Variants in KLHL3 observed in about 807,000 individuals in gnomAD.
KLHL3 encodes the protein kelch like family member 3.
In KLHL3, 19 loss-of-function variants were observed where a neutral mutation model predicts 70.5. The ratio of observed to expected loss-of-function variants is 0.27; its 90% CI spans 0.19 to 0.40. KLHL3 has a LOEUF of 0.40. Ranked by LOEUF, KLHL3 falls within the 10% of genes least tolerant of loss-of-function variation. The probability of loss-of-function intolerance (pLI) is 1.00; values close to 1 mark genes in which losing one functional copy is unlikely to be tolerated. For synonymous variants in KLHL3, 258 were observed against 290.3 expected, an observed-to-expected ratio of 0.89 and a Z score of 1.13; for missense variants, 512 against 771.1, an observed-to-expected ratio of 0.66 and a Z score of 3.98.
At chr5:137,631,370 G>T (rs560186903) in intron 12 of KLHL3, among the ~76,000 whole-genome samples, 7 of 152,222 alleles carry the variant, frequency 4.6e-5, no homozygotes, top group Non-Finnish European at 8.8e-5. Context: ...CTGACAAAAA[G>T]TAGAAGTGGA....
At chr5:137,663,056 CTTTTTTTTTTTTTTT>C (rs139890036) in intron 6 of KLHL3, among the ~76,000 whole-genome samples, 3 of 77,928 alleles carry the variant, frequency 3.8e-5, no homozygotes, top group Non-Finnish European at 6.9e-5. Context: ...AGCACTCGTT[CTTTTTTTTTTTTTTT>C]TTTTTTTTTT....
At chr5:137,698,196 T>C in intron 4 of KLHL3, 91 bp downstream of exon 4, 1 of 1,512,186 alleles carries the variant, frequency 6.6e-7, no homozygotes, top group Non-Finnish European at 9.0e-7. Context: ...AGTAACCAAC[T>C]GAATTGTTGT....
At chr5:137,708,783 T>C (rs1159103405) in intron 3 of KLHL3, among the ~76,000 whole-genome samples, 1 of 152,138 alleles carries the variant, frequency 6.6e-6, no homozygotes, top group African/African-American at 2.4e-5. Context: ...AGGAGACATT[T>C]GCAGGATAAA....
At chr5:137,724,520 A>G (rs887906516) in intron 1 of KLHL3, among the ~76,000 whole-genome samples, 2 of 152,228 alleles carry the variant, frequency 1.3e-5, no homozygotes, top group Non-Finnish European at 2.9e-5. Context: ...CAGAGGATCA[A>G]TGTTCAACAA....
chr5:137,735,932 G>C lies in KLHL3; in HGVS notation c.-286C>G, dbSNP rs140523800. ...CCCACTTGCTCCCCCTCCCCCGCAG[G>C]CTTGCTGCTCCTTGGTCTCCTAGGA... On this transcript the variant is annotated 5_prime_UTR_variant, in exon 1 of 15. Coordinates refer to ENST00000309755, the MANE Select transcript of KLHL3 (RefSeq NM_017415.3). 8.5e-4 allele frequency: 435 copies of C among 510,838 alleles called. 2 individuals carry two copies. Among genetic ancestry groups the C allele is most frequent in the African/African-American group, 6.9e-3 (361 of 52,050 alleles). The allele number at this position is 510,838 out of a possible 1,614,324, so 31.6% of individuals were successfully genotyped here.
At chr5:137,701,380 G>C (rs1003207007) in intron 3 of KLHL3, among the ~76,000 whole-genome samples, 3 of 152,104 alleles carry the variant, frequency 2.0e-5, no homozygotes, top group African/African-American at 7.2e-5. Context: ...TTTACACATA[G>C]ATACTAAGAG....
At position 137,700,888 on chromosome 5, in the gene KLHL3, A is replaced by G. The variant is rs138287020; in HGVS notation, c.242-2480T>C. 3.8e-3 allele frequency among the ~76,000 whole-genome samples: 582 copies of G among 152,302 alleles called. 5 individuals carry two copies. The highest frequency in any genetic ancestry group is 0.013 in the African/African-American group (556 of 41,564). ...TTTAGTTTAAATGGGCCCTAAAAAT[A>G]GTCATACTAATAGTCACTACTGTAT... On this transcript the variant is annotated intron_variant, in intron 3 of 14. Transcript: ENST00000309755.
At chr5:137,697,954 A>C (rs922370473) in intron 4 of KLHL3, among the ~76,000 whole-genome samples, 2 of 152,172 alleles carry the variant, frequency 1.3e-5, no homozygotes, top group African/African-American at 4.8e-5. Context: ...TGACCTGGGG[A>C]GAATAGGAGT....
At chr5:137,699,041 G>C (rs1441834553) in intron 3 of KLHL3, among the ~76,000 whole-genome samples, 1 of 152,104 alleles carries the variant, frequency 6.6e-6, no homozygotes. Flanking sequence ...GGCCAAGTTG[G>C]GTTGAAACCC....
intron 2 of KLHL3, among the ~76,000 whole-genome samples, chr5:137,712,211 A>G (rs1177099804): frequency 2.6e-5 from 4 of 151,516 alleles, no homozygotes; most frequent in Non-Finnish European, 5.9e-5. Context: ...TTTGGTAACT[A>G]ATAAGAAAAT....
chr5:137,677,737 C>T, intron 5 of KLHL3, 83 bp from the exon 6 acceptor site: 1 of 831,838 alleles, frequency 1.2e-6, no homozygotes. Context: ...GTGGGATTCA[C>T]AGTAGAGTCC....
intron 13 of KLHL3, among the ~76,000 whole-genome samples, chr5:137,627,840 C>A (rs1750516728): frequency 6.6e-6 from 1 of 152,212 alleles, no homozygotes; most frequent in African/African-American, 2.4e-5. Flanking sequence ...AAGGGTCCAA[C>A]TGTCCCTGCA....
intron 6 of KLHL3, among the ~76,000 whole-genome samples, chr5:137,672,148 C>T (rs1751775930): frequency 6.6e-6 from 1 of 152,234 alleles, no homozygotes; most frequent in Non-Finnish European, 1.5e-5. Context: ...GAGAAGCTGG[C>T]AACTCTGATA....
At chr5:137,666,004 A>T (rs1257834588) in intron 6 of KLHL3, among the ~76,000 whole-genome samples, 1 of 152,196 alleles carries the variant, frequency 6.6e-6, no homozygotes, top group African/African-American at 2.4e-5. Flanking sequence ...ATCCCTGTCT[A>T]GTTCATTTTT....
At chr5:137,628,072 G>GT (rs1750525508) in intron 13 of KLHL3, 1 of 559,012 alleles carries the variant, frequency 1.8e-6, no homozygotes, top group African/African-American at 1.9e-5. Context: ...TCACTGCGGG[G>GT]AAAGGGGATC....
At chr5:137,701,126 G>A (rs530461920) in intron 3 of KLHL3, among the ~76,000 whole-genome samples, 4 of 151,978 alleles carry the variant, frequency 2.6e-5, no homozygotes, top group African/African-American at 7.2e-5. Flanking sequence ...TCTGCCTCCC[G>A]TGTTCAAGTG....
chr5:137,678,888 T>C (rs956527954), intron 5 of KLHL3, among the ~76,000 whole-genome samples: 1 of 152,044 alleles, frequency 6.6e-6, no homozygotes, highest in Non-Finnish European at 1.5e-5. Context: ...CTAAAGGTTG[T>C]CCATCTTGAA....
intron 4 of KLHL3, chr5:137,692,658 A>G (rs1752351233): frequency 1.8e-6 from 1 of 542,998 alleles, no homozygotes; most frequent in South Asian, 2.4e-5. Flanking sequence ...CTGTATCCCT[A>G]CAGCCATGCT....
rs553318454 is a variant in KLHL3, at chr5:137,691,905, A to G, written c.526+380T>C. ...AGTGCTGGGATTACAGGCGTGAGCCACTGCGCCCAGCCAGTACGTGACTTT... is the reference window on the plus strand; with the variant it reads ...AGTGCTGGGATTACAGGCGTGAGCCGCTGCGCCCAGCCAGTACGTGACTTT... On this transcript the variant is annotated intron_variant, in intron 5 of 14. Coordinates refer to ENST00000309755, the MANE Select transcript of KLHL3 (RefSeq NM_017415.3). Among the ~76,000 whole-genome samples, 7 of 152,200 alleles carry G rather than the reference A, an allele frequency of 4.6e-5. No homozygotes were observed. The East Asian group carries it at 1.4e-3, about 29-fold the overall frequency.
Sources: allele counts gnomAD v4.1 joint callset (sites outside exome capture counted in the v4.1 genomes callset), GRCh38; gene constraint gnomAD v4.1.1; transcripts MANE v1.5; gene names NCBI Gene and HGNC (gene_info 2026-07-23, HGNC 2026-07-21).